Variants in ZNF251 observed in about 807,000 individuals in gnomAD.
ZNF251 encodes the protein zinc finger protein 251.
In ZNF251, 14 loss-of-function variants were observed where a neutral mutation model predicts 13.5. The ratio of observed to expected loss-of-function variants is 1.04; its 90% CI spans 0.69 to 1.63. The LOEUF (loss-of-function observed/expected upper bound fraction) is 1.63, where lower values mean the gene tolerates loss of function less well. Among genes scored for constraint, ZNF251 ranks in the 40% most tolerant of loss-of-function variants. ZNF251 has a pLI of 0.00. For missense variants in ZNF251, 764 were observed against 834.9 expected, an observed-to-expected ratio of 0.92 and a Z score of 1.05; for synonymous variants, 287 against 295.2, an observed-to-expected ratio of 0.97 and a Z score of 0.28.
At chr8:144,738,962 G>GCA (rs1480711182) in intron 4 of ZNF251, among the ~76,000 whole-genome samples, 2 of 152,034 alleles carry the variant, frequency 1.3e-5, no homozygotes, top group Non-Finnish European at 2.9e-5. Context: ...CGCCAGAGAT[G>GCA]CACACAGCAG....
At position 144,722,801 on chromosome 8, in the gene ZNF251, G is replaced by A; in HGVS notation, c.859C>T (p.His287Tyr). 6.2e-7 allele frequency: 1 copy of A among 1,614,106 alleles called. No homozygotes were observed. The highest frequency in any genetic ancestry group is 8.5e-7 in the Non-Finnish European group (1 of 1,179,932). ...CAGCCAAAGGGTTTTTCTCCAGTGTGAATTCTCCGATGAAGACGGAGGTGA... is the reference window on the plus strand; with the variant it reads ...CAGCCAAAGGGTTTTTCTCCAGTGTAAATTCTCCGATGAAGACGGAGGTGA... ...NSHLRLHRRI[H>Y]TGEKPFGCGE... The change falls in exon 5 of 5, where the codon CAC (histidine) becomes TAC (tyrosine). Residue 287 changes from histidine to tyrosine, a missense_variant. By Grantham distance (83) the His-to-Tyr change is moderately conservative (BLOSUM62 2). Transcript: ENST00000292562. The surrounding 1 kb of genome is among the most constrained non-coding windows in gnomAD (Gnocchi z 4.8).
In ZNF251 at chr8:144,734,602, T is replaced by A. The variant is rs887448771; in HGVS notation, c.278-11220A>T. On this transcript the variant is annotated intron_variant, in intron 4 of 4. Transcript: ENST00000292562. The surrounding 1 kb of genome is among the most constrained non-coding windows in gnomAD (Gnocchi z 4.4). ...GGGTGCTGACCCTGGGTCAGTGACCTCCCACAGAGGTCACTGGGACACCCT... is the reference window on the plus strand; with the variant it reads ...GGGTGCTGACCCTGGGTCAGTGACCACCCACAGAGGTCACTGGGACACCCT... Among the ~76,000 whole-genome samples the A allele has an allele frequency of 6.6e-6, 1 of 152,102 alleles. No individual in the cohort carries two copies. Among genetic ancestry groups the A allele is most frequent in the African/African-American group, 2.4e-5 (1 of 41,420 alleles).
At chr8:144,741,454 C>T (rs113523363) in intron 4 of ZNF251, among the ~76,000 whole-genome samples, 4,688 of 152,280 alleles carry the variant, frequency 0.031, 245 homozygotes, top group African/African-American at 0.11. Context: ...CCACAGTCTC[C>T]ACTCCAAAAT....
chr8:144,751,571 T>C (rs1472326317), intron 4 of ZNF251, among the ~76,000 whole-genome samples: 1 of 152,008 alleles, frequency 6.6e-6, no homozygotes, highest in Admixed American at 6.6e-5. Flanking sequence ...AAAGATTATG[T>C]AAAAAGCAAA....
In ZNF251 at chr8:144,729,870, A is replaced by G. The variant is rs943529486; in HGVS notation, c.278-6488T>C. On this transcript the variant is annotated intron_variant, in intron 4 of 4. Transcript: ENST00000292562. ...AGTGAGACCCTGTCTCTGAAGAACC[A>G]AAACCAAAACAGATCTCTCATCAGG... Among the ~76,000 whole-genome samples, 6 of 152,138 alleles carry G rather than the reference A, an allele frequency of 3.9e-5. No individual in the cohort carries two copies. The East Asian group carries it at 1.2e-3, about 30-fold the overall frequency.
At chr8:144,743,088 C>T (rs1240916387) in intron 4 of ZNF251, among the ~76,000 whole-genome samples, 1 of 152,140 alleles carries the variant, frequency 6.6e-6, no homozygotes, top group East Asian at 1.9e-4. Context: ...TTTTGAGACG[C>T]AGTTTCACTG....
intron 4 of ZNF251, among the ~76,000 whole-genome samples, chr8:144,744,586 G>A (rs1175993627): frequency 1.3e-5 from 2 of 152,114 alleles, no homozygotes; most frequent in African/African-American, 4.8e-5. Flanking sequence ...AGGTCATGAG[G>A]GTCGTCATGG....
intron 4 of ZNF251, among the ~76,000 whole-genome samples, chr8:144,747,863 C>T (rs951479539): frequency 3.9e-5 from 6 of 152,104 alleles, no homozygotes; most frequent in South Asian, 2.1e-4. Context: ...CCACCCGCCT[C>T]GGCCTCCCAA....
chr8:144,741,418 T>C (rs978166027), intron 4 of ZNF251, among the ~76,000 whole-genome samples: 9 of 152,144 alleles, frequency 5.9e-5, no homozygotes, highest in Admixed American at 5.9e-4. Context: ...ACGATGCAGA[T>C]ACACATACAC....
intron 4 of ZNF251, among the ~76,000 whole-genome samples, chr8:144,731,129 G>C (rs1823682538): frequency 6.6e-6 from 1 of 152,142 alleles, no homozygotes; most frequent in Non-Finnish European, 1.5e-5. Context: ...GTCATCCACG[G>C]GATGCCTGGG....
chr8:144,725,415 C>G (rs115072794), intron 4 of ZNF251, among the ~76,000 whole-genome samples: 5,677 of 152,114 alleles, frequency 0.037, 327 homozygotes, highest in African/African-American at 0.13. Flanking sequence ...TTCAGGCTCC[C>G]GAGTAGCTGG....
rs748127031 is a variant in ZNF251, at chr8:144,722,904, A to G, written c.756T>C (p.Leu252=). The G allele has an allele frequency of 1.2e-6, 2 of 1,613,962 alleles. No homozygotes were observed. The highest frequency in any genetic ancestry group is 1.6e-4 in the Middle Eastern group (1 of 6,062). ...CGRAFTHSSN[L]VLHHHIHTGN... is the part of the protein sequence containing the mutation. ...CAGTGTGAATGTGATGGTGCAGAACAAGATTTGAGCTGTGAGTAAAGGCTC... is the reference window on the plus strand; with the variant it reads ...CAGTGTGAATGTGATGGTGCAGAACGAGATTTGAGCTGTGAGTAAAGGCTC... Residue 252 remains leucine (L), a synonymous_variant, in exon 5 of 5, where the codon CTT becomes CTC. Transcript: ENST00000292562. The surrounding 1 kb of genome is among the most constrained non-coding windows in gnomAD (Gnocchi z 4.8).
intron 3 of ZNF251, 121 bp from the exon 4 acceptor site, chr8:144,753,917 G>C: frequency 1.2e-6 from 1 of 819,696 alleles, no homozygotes; most frequent in Non-Finnish European, 1.9e-6. Flanking sequence ...CAGGGGGCCC[G>C]TGGGCTGAGA....
rs753990360 is a variant in ZNF251 at position 144,722,814 on chromosome 8, A to C, written c.846T>G (p.Leu282=). 3.1e-6 allele frequency: 5 copies of C among 1,613,950 alleles called. No homozygotes were observed. The African/African-American group carries it at 6.7e-5, about 22-fold the overall frequency. The change falls in exon 5 of 5, where the codon CTT becomes CTG. Residue 282 remains leucine, a synonymous_variant. Coordinates refer to ENST00000292562, the MANE Select transcript of ZNF251 (RefSeq NM_138367.2). This position sits in a 1 kb window ranked among gnomAD's most constrained non-coding sequence, Gnocchi z 4.8. ...TTTCTCCAGTGTGAATTCTCCGATGAAGACGGAGGTGAGAATTGAGTCCAA... is the reference window on the plus strand; with the variant it reads ...TTTCTCCAGTGTGAATTCTCCGATGCAGACGGAGGTGAGAATTGAGTCCAA... ...KTFGLNSHLR[L]HRRIHTGEKP...
intron 4 of ZNF251, among the ~76,000 whole-genome samples, chr8:144,744,831 G>A (rs144175697): frequency 1.3e-3 from 205 of 152,220 alleles, no homozygotes; most frequent in African/African-American, 4.6e-3. Flanking sequence ...CGAGGCGGGC[G>A]GATCACCTGA....
chr8:144,723,203 G>A lies in ZNF251; in HGVS notation c.457C>T (p.Gln153Ter), dbSNP rs771636172. The change falls in exon 5 of 5, where the codon CAG (glutamine) becomes TAG (stop). Residue 153 changes from glutamine to a stop codon, truncating the protein, a stop_gained. Coordinates refer to ENST00000292562, the MANE Select transcript of ZNF251 (RefSeq NM_138367.2). LOFTEE classifies it low-confidence loss of function (END_TRUNC). ...TGAATATTGGGTTTGTTCAAACTCT[G>A]CCCGGCAGAATTTCCCACGCGCTCT... ...LKERVGNSAGQSLNKPNIHKR... is the reference protein window; with the variant it reads ...LKERVGNSAG 1 of 1,612,672 alleles carries A rather than the reference G, an allele frequency of 6.2e-7. No homozygotes were observed. The highest frequency in any genetic ancestry group is 8.5e-7 in the Non-Finnish European group (1 of 1,179,384).
rs201009122 is a variant in ZNF251 at position 144,722,074 on chromosome 8, G to C, written c.1586C>G (p.Ser529Cys). 1.1e-4 allele frequency: 170 copies of C among 1,613,942 alleles called. No homozygotes were observed. In the Middle Eastern group the frequency reaches 2.0e-3, roughly 19 times the overall value. ...AATCTGTCCATCTGCTGTGAGGCTG[G>C]AGCCATGAACAAAGGCTGGACCATG... Reference protein sequence around the residue: ...RKHGPAFVHGSSLTADGQIPT... With the variant: ...RKHGPAFVHGCSLTADGQIPT... The change falls in exon 5 of 5, where the codon TCC becomes TGC. Residue 529 changes from serine to cysteine, a missense_variant. Transcript: ENST00000292562. This position sits in a 1 kb window ranked among gnomAD's most constrained non-coding sequence, Gnocchi z 4.8.
chr8:144,728,579 C>T (rs1418877308), intron 4 of ZNF251, among the ~76,000 whole-genome samples: 2 of 149,224 alleles, frequency 1.3e-5, no homozygotes, highest in Non-Finnish European at 3.0e-5. Context: ...AGGAGAATAG[C>T]ATGAACCCGG....
Position 144,721,942 on chromosome 8 carries a change from T to C in ZNF251, c.1718A>G (p.Lys573Arg). The change falls in exon 5 of 5, where the codon AAA (lysine) becomes AGA (arginine). Residue 573 changes from lysine to arginine, a missense_variant. Transcript: ENST00000292562. ...EKSFGCNEYG[K>R]AFSPTSRPTE... ...GGGTCGTGAGGTGGGACTGAAAGCT[T>C]TTCCATATTCATTACATCCAAAGGA... The C allele has an allele frequency of 1.3e-6, 2 of 1,517,496 alleles. No homozygotes were observed. The highest frequency in any genetic ancestry group is 1.8e-6 in the Non-Finnish European group (2 of 1,132,354). The allele number at this position is 1,517,496 out of a possible 1,614,324, so 94.0% of individuals were successfully genotyped here.
Sources: gnomAD v4.1 joint callset for allele counts (sites outside exome capture counted in the v4.1 genomes callset) on GRCh38, gnomAD v4.1.1 for gene constraint, Gnocchi (gnomAD v3.1) non-coding constraint, MANE v1.5 for transcripts, NCBI Gene and HGNC (gene_info 2026-07-23, HGNC 2026-07-21) for gene names.